Variants in LPCAT2 observed in about 807,000 individuals in gnomAD.
LPCAT2 encodes the protein 1-AGP acyltransferase 11.
Under a neutral mutation model 64.7 loss-of-function variants are expected in LPCAT2, and 58 were observed. The ratio of observed to expected loss-of-function variants is 0.90; its 90% CI spans 0.73 to 1.12. The LOEUF (loss-of-function observed/expected upper bound fraction) is 1.12. Ranked by LOEUF, LPCAT2 falls within the 50% of genes most tolerant of loss-of-function variation. LPCAT2 has a pLI of 0.00. For synonymous variants in LPCAT2, 252 were observed against 245.3 expected (o/e 1.03, Z -0.26); for missense variants, 579 against 669.8 (o/e 0.86, Z 1.50).
intron 12 of LPCAT2, among the ~76,000 whole-genome samples, chr16:55,577,804 A>C (rs1351835194): frequency 1.3e-5 from 2 of 151,742 alleles, no homozygotes; most frequent in Non-Finnish European, 2.9e-5. Context: ...TACTACCCCG[A>C]TTATCTCTTT....
intron 11 of LPCAT2, among the ~76,000 whole-genome samples, chr16:55,555,727 CATCATCTATGA>C (rs1189366476): frequency 5.3e-5 from 8 of 152,202 alleles, no homozygotes; most frequent in African/African-American, 1.9e-4. Flanking sequence ...AATAATCTGT[CATCATCTATGA>C]AATACTAATG....
At chr16:55,509,501 C>T (rs118081536) in intron 1 of LPCAT2, 149 bp downstream of exon 1, 32,006 of 865,250 alleles carry the variant, frequency 0.037, 932 homozygotes, top group Middle Eastern at 0.05. Flanking sequence ...GGGCGAGAGT[C>T]TGAGGAGGGA....
chr16:55,563,489 A>G (rs1587630), intron 11 of LPCAT2, among the ~76,000 whole-genome samples: 12,285 of 151,990 alleles, frequency 0.081, 727 homozygotes, highest in African/African-American at 0.16. Flanking sequence ...TCAACAGCAC[A>G]CTAAAAGTAT....
intron 1 of LPCAT2, among the ~76,000 whole-genome samples, chr16:55,520,510 A>G (rs972764750): frequency 6.6e-6 from 1 of 152,026 alleles, no homozygotes; most frequent in Non-Finnish European, 1.5e-5. Flanking sequence ...ATTGGTAACC[A>G]CTTTTACTGA....
chr16:55,513,931 A>C (rs1319263726), intron 1 of LPCAT2, among the ~76,000 whole-genome samples: 4 of 152,178 alleles, frequency 2.6e-5, no homozygotes, highest in African/African-American at 9.7e-5. Context: ...AAGCGAGTGC[A>C]GTGGTGCACA....
At chr16:55,544,902 A>G (rs940571021) in intron 8 of LPCAT2, among the ~76,000 whole-genome samples, 1 of 152,156 alleles carries the variant, frequency 6.6e-6, no homozygotes, top group Non-Finnish European at 1.5e-5. Flanking sequence ...ATTGAGCCCC[A>G]TCTATAATTG....
At position 55,579,229 on chromosome 16, in the gene LPCAT2, G is replaced by C. The variant is rs201486123; in HGVS notation, c.1435G>C (p.Asp479His). The change falls in exon 13 of 14, where the codon GAC (aspartate) becomes CAC (histidine). Residue 479 changes from aspartate to histidine, a missense_variant. Asp to His is a moderately conservative substitution (Grantham distance 81, BLOSUM62 -1). Transcript: ENST00000262134. ...TCTCTTCAAGGAAATAGCCCAAGGG[G>C]ACTCAATTTCCTATGGTGAGTAGGC... ...SGLFKEIAQGDSISYEEFKSF... is the reference protein window; with the variant it reads ...SGLFKEIAQGHSISYEEFKSF... 1.6e-4 allele frequency: 251 copies of C among 1,612,708 alleles called. No individual in the cohort carries two copies. The highest frequency in any genetic ancestry group is 2.0e-4 in the Non-Finnish European group (233 of 1,179,308).
chr16:55,511,780 C>A (rs1338764071), intron 1 of LPCAT2, among the ~76,000 whole-genome samples: 1 of 152,188 alleles, frequency 6.6e-6, no homozygotes, highest in Non-Finnish European at 1.5e-5. Context: ...CAATTAAAAT[C>A]CATATGGGTT....
intron 10 of LPCAT2, among the ~76,000 whole-genome samples, chr16:55,550,506 T>C (rs1247232537): frequency 1.3e-5 from 2 of 152,240 alleles, no homozygotes; most frequent in Non-Finnish European, 2.9e-5. Flanking sequence ...AATATTTGCT[T>C]TCTTATTTTC....
chr16:55,537,720 G>A (rs1596863606), intron 8 of LPCAT2, 88 bp downstream of exon 8: 2 of 1,051,580 alleles, frequency 1.9e-6, no homozygotes, highest in East Asian at 2.4e-5. Context: ...CAGATATAAA[G>A]GTCCATCACC....
In LPCAT2 at chr16:55,586,252, CTT is replaced by C. The variant is rs1963944593; in HGVS notation, c.*3155_*3156del. 6.6e-6 allele frequency: 1 copy of C among 152,092 alleles called. No homozygotes were observed. Among genetic ancestry groups the C allele is most frequent in the Non-Finnish European group, 1.5e-5 (1 of 68,004 alleles). The allele number at this position is 152,092 out of a possible 1,614,324, so 9.4% of individuals were successfully genotyped here. On this transcript the variant is annotated 3_prime_UTR_variant, in exon 14 of 14. Coordinates refer to ENST00000262134, the MANE Select transcript of LPCAT2 (RefSeq NM_017839.5). ...CCTTTTTACCCCATTTACTGTAACT[CTT>C]GTTTCTAGGTAATCGTTCTCTCTCA...
chr16:55,552,422 T>G (rs1205829527), intron 11 of LPCAT2, among the ~76,000 whole-genome samples: 1 of 152,206 alleles, frequency 6.6e-6, no homozygotes, highest in African/African-American at 2.4e-5. Flanking sequence ...TGTATATAGG[T>G]TATTATATAA....
chr16:55,583,245 T>A lies in LPCAT2; in HGVS notation c.*147T>A. ...ATGATAGATTTTCTTACTAAAAATG[T>A]TTTTATTAACCTTGCTTTTATTGGA... On this transcript the variant is annotated 3_prime_UTR_variant, in exon 14 of 14. Coordinates refer to ENST00000262134, the MANE Select transcript of LPCAT2 (RefSeq NM_017839.5). 1.5e-6 allele frequency: 1 copy of A among 685,234 alleles called. No homozygotes were observed. Among genetic ancestry groups the A allele is most frequent in the Non-Finnish European group, 2.3e-6 (1 of 437,306 alleles). 42.4% of individuals were successfully genotyped at this position (685,234 alleles called of 1,614,324 possible).
chr16:55,512,793 A>G (rs1404827765), intron 1 of LPCAT2, among the ~76,000 whole-genome samples: 2 of 152,226 alleles, frequency 1.3e-5, no homozygotes, highest in African/African-American at 4.8e-5. Flanking sequence ...GGGCCTTGGC[A>G]AACATCTCAG....
chr16:55,581,921 T>C (rs1351295363), intron 13 of LPCAT2, among the ~76,000 whole-genome samples: 10 of 152,186 alleles, frequency 6.6e-5, no homozygotes, highest in African/African-American at 2.4e-4. Context: ...AGAACTCCTC[T>C]ACTTGGAGGT....
chr16:55,562,159 C>A (rs1349253977), intron 11 of LPCAT2, among the ~76,000 whole-genome samples: 1 of 151,962 alleles, frequency 6.6e-6, no homozygotes, highest in Non-Finnish European at 1.5e-5. Context: ...TTATTGATCT[C>A]CCTTTATCTC....
At chr16:55,547,351 C>T (rs1357734906) in intron 9 of LPCAT2, among the ~76,000 whole-genome samples, 1 of 152,168 alleles carries the variant, frequency 6.6e-6, no homozygotes, top group African/African-American at 2.4e-5. Flanking sequence ...ATCCCCTTCT[C>T]CTCACATGTG....
chr16:55,547,675 A>G (rs1378051103), intron 9 of LPCAT2, among the ~76,000 whole-genome samples: 1 of 152,176 alleles, frequency 6.6e-6, no homozygotes, highest in African/African-American at 2.4e-5. Flanking sequence ...GTCCCAAAAT[A>G]TTTTAAAATT....
In LPCAT2 at chr16:55,509,339, C is replaced by A; in HGVS notation, c.158C>A (p.Ala53Glu). The A allele has an allele frequency of 7.0e-7, 1 of 1,424,258 alleles. No homozygotes were observed. The highest frequency in any genetic ancestry group is 9.3e-7 in the Non-Finnish European group (1 of 1,077,316). 88.2% of individuals were successfully genotyped at this position (1,424,258 alleles called of 1,614,324 possible). ...PFVQQTQIGSARRVQIVLLGI... is the reference protein window; with the variant it reads ...PFVQQTQIGSERRVQIVLLGI... Reference sequence around the variant, plus strand: ...GTGCAGCAGACGCAGATCGGCTCCGCGAGGCGGGTCCAGGTGAGGGGCGTG... The same window carrying A: ...GTGCAGCAGACGCAGATCGGCTCCGAGAGGCGGGTCCAGGTGAGGGGCGTG... Residue 53 changes from alanine to glutamate, a missense_variant, in exon 1 of 14, where the codon GCG (alanine) becomes GAG (glutamate). Transcript: ENST00000262134.
Sources: gnomAD v4.1 joint callset for allele counts (sites outside exome capture counted in the v4.1 genomes callset) on GRCh38, gnomAD v4.1.1 for gene constraint, MANE v1.5 for transcripts, NCBI Gene and HGNC (gene_info 2026-07-23, HGNC 2026-07-21) for gene names.